The following WSCD2 variants were observed in gnomAD, a reference collection of about 807,000 sequenced individuals.
WSCD2 encodes WSC domain sialate O sulfotransferase 2.
Under a neutral mutation model 55.7 loss-of-function variants are expected in WSCD2, and 28 were observed. The observed-to-expected ratio is 0.50, with a 90% CI of 0.37 to 0.69. WSCD2 has a LOEUF of 0.69. Ranked by LOEUF, WSCD2 falls within the 30% of genes least tolerant of loss-of-function variation. The pLI, the probability that WSCD2 is intolerant of heterozygous loss-of-function variation, is 0.00. For synonymous variants in WSCD2, 301 were observed against 301.9 expected (o/e 1.00, Z 0.03); for missense variants, 616 against 762.1 (o/e 0.81, Z 2.26).
At chr12:108,222,812 GT>G (rs1306380739) in intron 4 of WSCD2, among the ~76,000 whole-genome samples, 2 of 152,180 alleles carry the variant, frequency 1.3e-5, no homozygotes, top group African/African-American at 2.4e-5. Flanking sequence ...TTAGAAAAGA[GT>G]TTTACAAAGA....
At chr12:108,231,176 G>A (rs1267703880) in intron 6 of WSCD2, among the ~76,000 whole-genome samples, 1 of 152,116 alleles carries the variant, frequency 6.6e-6, no homozygotes, top group East Asian at 1.9e-4. Flanking sequence ...GGAGGTGAGG[G>A]AGGTTTGCCT....
chr12:108,151,756 T>A (rs1878027128), intron 1 of WSCD2, among the ~76,000 whole-genome samples: 1 of 152,242 alleles, frequency 6.6e-6, no homozygotes, highest in South Asian at 2.1e-4. Context: ...GGACCTGATC[T>A]AGTTCCCTCT....
At chr12:108,155,320 C>A (rs7316834) in intron 1 of WSCD2, among the ~76,000 whole-genome samples, 3 of 151,978 alleles carry the variant, frequency 2.0e-5, no homozygotes, top group African/African-American at 7.3e-5. Flanking sequence ...ACCAGAATTA[C>A]TGTTCTTCCT....
chr12:108,212,213 T>C lies in WSCD2; in HGVS notation c.682+1908T>C, dbSNP rs533738350. 1.4e-4 allele frequency among the ~76,000 whole-genome samples: 21 copies of C among 152,306 alleles called. No individual in the cohort carries two copies. In the South Asian group the frequency reaches 4.4e-3, roughly 32 times the overall value. On this transcript the variant is annotated intron_variant, in intron 4 of 8. Transcript: ENST00000547525. ...CTGCTAATATTATGAGTTTTTAACT[T>C]AGTGGCAGATTTGTCACCTTTACAA... is the stretch of plus-strand genomic sequence containing the variant.
At chr12:108,150,088 A>G (rs566710771) in intron 1 of WSCD2, among the ~76,000 whole-genome samples, 47 of 152,168 alleles carry the variant, frequency 3.1e-4, no homozygotes, top group African/African-American at 9.2e-4. Flanking sequence ...TGCTAGGAGG[A>G]CCTCATTTAA....
intron 1 of WSCD2, among the ~76,000 whole-genome samples, chr12:108,176,814 G>T (rs75996719): frequency 7.3e-5 from 11 of 151,328 alleles, no homozygotes; most frequent in African/African-American, 2.2e-4. Context: ...TTTTGTTTTT[G>T]TTTTTTTTTA....
intron 1 of WSCD2, among the ~76,000 whole-genome samples, chr12:108,151,711 A>G (rs972000576): frequency 3.3e-5 from 5 of 152,152 alleles, no homozygotes; most frequent in African/African-American, 1.2e-4. Flanking sequence ...GATTAACCAC[A>G]CACTCACTGG....
intron 7 of WSCD2, 102 bp downstream of exon 7, chr12:108,232,997 G>T: frequency 6.8e-7 from 1 of 1,468,444 alleles, no homozygotes; most frequent in Non-Finnish European, 9.1e-7. Flanking sequence ...TCTACTGTGT[G>T]CCACTCAGCT....
intron 2 of WSCD2, 51 bp downstream of exon 2, chr12:108,196,265 A>G (rs1249690752): frequency 1.3e-6 from 2 of 1,526,520 alleles, no homozygotes; most frequent in South Asian, 1.3e-5. Flanking sequence ...AAGGGAGGAG[A>G]TACTAACAAT....
rs370631378 is a variant in WSCD2, at chr12:108,239,090, G to A, written c.1145-1254G>A. On this transcript the variant is annotated intron_variant, in intron 7 of 8. Coordinates refer to ENST00000547525, the MANE Select transcript of WSCD2 (RefSeq NM_014653.4). The stretch of plus-strand genomic sequence containing the variant: ...CTCTTTTTTGCTTAAATCCTCTTAA[G>A]GGTTCTCCAGTCTTTCTGGTCTAGT... 1.8e-4 allele frequency among the ~76,000 whole-genome samples: 28 copies of A among 152,218 alleles called. No individual in the cohort carries two copies. The East Asian group carries it at 5.0e-3, about 27-fold the overall frequency.
chr12:108,160,396 G>C (rs1878941788), intron 1 of WSCD2, among the ~76,000 whole-genome samples: 1 of 152,194 alleles, frequency 6.6e-6, no homozygotes, highest in Admixed American at 6.5e-5. Flanking sequence ...TCATAGTTAA[G>C]CAGGCTGTAG....
At chr12:108,130,834 A>G (rs11113751) in intron 1 of WSCD2, among the ~76,000 whole-genome samples, 31,963 of 151,988 alleles carry the variant, frequency 0.21, 3,486 homozygotes, top group Non-Finnish European at 0.22. Flanking sequence ...TCTCATCCCC[A>G]CACTCTAGGC....
intron 1 of WSCD2, among the ~76,000 whole-genome samples, chr12:108,162,801 G>C (rs1244292032): frequency 6.6e-6 from 1 of 152,144 alleles, no homozygotes; most frequent in African/African-American, 2.4e-5. Flanking sequence ...ATGGATTCTG[G>C]AGTCTGACAG....
At chr12:108,203,249 G>A (rs1295129542) in intron 2 of WSCD2, among the ~76,000 whole-genome samples, 1 of 152,206 alleles carries the variant, frequency 6.6e-6, no homozygotes, top group African/African-American at 2.4e-5. Flanking sequence ...CTACAGCAGT[G>A]GCTCTGCTGG....
intron 5 of WSCD2, 48 bp downstream of exon 5, chr12:108,224,908 A>T: frequency 6.3e-7 from 1 of 1,595,806 alleles, no homozygotes; most frequent in South Asian, 1.1e-5. Context: ...GGAACCATGC[A>T]GCAGAGCTGC....
At chr12:108,203,617 A>G (rs1299307494) in intron 2 of WSCD2, among the ~76,000 whole-genome samples, 1 of 152,214 alleles carries the variant, frequency 6.6e-6, no homozygotes, top group Admixed American at 6.5e-5. Context: ...ACAGTCCACT[A>G]CAGTCCACCC....
At chr12:108,213,953 G>A (rs1405429942) in intron 4 of WSCD2, among the ~76,000 whole-genome samples, 1 of 152,114 alleles carries the variant, frequency 6.6e-6, no homozygotes, top group Non-Finnish European at 1.5e-5. Context: ...CAGACTCTAG[G>A]CAATGTGAAA....
intron 8 of WSCD2, chr12:108,244,558 C>T (rs767283813): frequency 2.4e-4 from 166 of 702,898 alleles, no homozygotes; most frequent in Non-Finnish European, 2.6e-4. Context: ...TTATTTCGCT[C>T]GATTTGCACA....
Position 108,239,940 on chromosome 12 carries a change from C to T in WSCD2, c.1145-404C>T, listed in dbSNP as rs576629977. 3.9e-5 allele frequency among the ~76,000 whole-genome samples: 6 copies of T among 152,124 alleles called. No individual in the cohort carries two copies. In the East Asian group the frequency reaches 7.8e-4, roughly 20 times the overall value. On this transcript the variant is annotated intron_variant, in intron 7 of 8. Transcript: ENST00000547525. ...CTCACTATGTTGCCCAGGCTGGTTT[C>T]GAACTCCTGGGAGCAAGCTATCCTC...
Sources: gnomAD v4.1 joint callset for allele counts (sites outside exome capture counted in the v4.1 genomes callset) on GRCh38, gnomAD v4.1.1 for gene constraint, MANE v1.5 for transcripts, NCBI Gene and HGNC (gene_info 2026-07-23, HGNC 2026-07-21) for gene names.